Variants in SLC26A11 observed in about 807,000 individuals in gnomAD.
SLC26A11 encodes solute carrier family 26 member 11.
A neutral mutation model predicts 62.2 loss-of-function variants in SLC26A11; 58 were observed. That is an observed-to-expected ratio of 0.93 (90% CI 0.76 to 1.16). SLC26A11 has a LOEUF of 1.16. Among genes scored for constraint, SLC26A11 ranks in the 50% most tolerant of loss-of-function variants. SLC26A11 has a pLI of 0.00. For missense variants in SLC26A11, 790 were observed against 794.3 expected (o/e 0.99, Z 0.06); for synonymous variants, 411 against 368.9 (o/e 1.11, Z -1.31).
chr17:80,224,468 TGTGA>T (rs931229582), intron 5 of SLC26A11, among the ~76,000 whole-genome samples: 5 of 151,894 alleles, frequency 3.3e-5, no homozygotes, highest in African/African-American at 1.2e-4. Flanking sequence ...AGTGTGAGTG[TGTGA>T]GTGTGAGAAT....
chr17:80,223,147 C>A lies in SLC26A11; in HGVS notation c.428-105C>A. 9.4e-7 allele frequency: 1 copy of A among 1,060,460 alleles called. No homozygotes were observed. Among genetic ancestry groups the A allele is most frequent in the Non-Finnish European group, 1.4e-6 (1 of 695,704 alleles). 65.7% of individuals were successfully genotyped at this position (1,060,460 alleles called of 1,614,324 possible). On this transcript the variant is annotated intron_variant, in intron 4 of 17. Transcript: ENST00000361193. The surrounding 1 kb of genome is among the most constrained non-coding windows in gnomAD (Gnocchi z 4.6). ...CCCCAGTCCTTAGCTGCGGTATCTG[C>A]TCCCCAATCCCACCCATTGCCACCT... is the stretch of plus-strand genomic sequence containing the variant.
At position 80,251,409 on chromosome 17, in the gene SLC26A11, C is replaced by T. The variant is rs374972449; in HGVS notation, c.1729+8C>T. On this transcript the variant is annotated splice_region_variant and intron_variant, in intron 17 of 17. Transcript: ENST00000361193. ...CTACCCTGGAAGAAGCAGGTGGGCACAGTCAGACATCCTGTGGCTTTGGTG... is the reference window on the plus strand; with the variant it reads ...CTACCCTGGAAGAAGCAGGTGGGCATAGTCAGACATCCTGTGGCTTTGGTG... The T allele has an allele frequency of 6.2e-6, 10 of 1,613,896 alleles. No homozygotes were observed. The highest frequency in any genetic ancestry group is 8.5e-6 in the Non-Finnish European group (10 of 1,179,882).
chr17:80,243,065 C>G (rs1266260023), intron 10 of SLC26A11, among the ~76,000 whole-genome samples: 1 of 152,200 alleles, frequency 6.6e-6, no homozygotes, highest in East Asian at 1.9e-4. Context: ...GCCTTCCTGC[C>G]TTTCCTTCTC....
At chr17:80,242,425 G>C (rs1274020453) in intron 10 of SLC26A11, among the ~76,000 whole-genome samples, 3 of 152,208 alleles carry the variant, frequency 2.0e-5, no homozygotes, top group African/African-American at 7.2e-5. Flanking sequence ...CCTTGGTCTA[G>C]ATCCAGGAAC....
chr17:80,248,044 G>A, intron 13 of SLC26A11, 86 bp from the exon 14 acceptor site: 2 of 1,445,070 alleles, frequency 1.4e-6, no homozygotes, highest in Non-Finnish European at 1.8e-6. Context: ...ATATGTGGGG[G>A]GCAGAAAGCT....
At chr17:80,233,798 C>CT (rs2144913383) in intron 7 of SLC26A11, among the ~76,000 whole-genome samples, 1 of 86,218 alleles carries the variant, frequency 1.2e-5, no homozygotes, top group East Asian at 5.1e-4. Context: ...AGGCTGGTCT[C>CT]TTACTCCTGG....
intron 9 of SLC26A11, among the ~76,000 whole-genome samples, chr17:80,240,966 G>C (rs1015722517): frequency 5.9e-5 from 9 of 151,810 alleles, no homozygotes; most frequent in Non-Finnish European, 1.3e-4. Context: ...AAATTAGCCG[G>C]GCATGGACCA....
intron 7 of SLC26A11, among the ~76,000 whole-genome samples, chr17:80,233,402 T>C (rs2042609689): frequency 6.6e-6 from 1 of 152,144 alleles, no homozygotes; most frequent in South Asian, 2.1e-4. Context: ...AGTGCTGAGA[T>C]TGCAGATGTG....
At chr17:80,248,319 T>C in intron 14 of SLC26A11, 62 bp downstream of exon 14, 1 of 1,554,774 alleles carries the variant, frequency 6.4e-7, no homozygotes, top group Non-Finnish European at 8.7e-7. Flanking sequence ...GGCATGGTCT[T>C]ATGTTTTGAG....
chr17:80,245,139 TTCCC>T, intron 10 of SLC26A11, 53 bp from the exon 11 acceptor site: 1 of 1,546,188 alleles, frequency 6.5e-7, no homozygotes, highest in Non-Finnish European at 8.9e-7. Flanking sequence ...CCCATCTCCT[TTCCC>T]TCCATCCTGT....
rs2043187310 is a variant in SLC26A11 at position 80,252,836 on chromosome 17, G to A, written c.*120G>A. 1.1e-6 allele frequency: 1 copy of A among 871,506 alleles called. No homozygotes were observed. Among genetic ancestry groups the A allele is most frequent in the Non-Finnish European group, 1.7e-6 (1 of 572,056 alleles). The allele number at this position is 871,506 out of a possible 1,614,324, so 54.0% of individuals were successfully genotyped here. On this transcript the variant is annotated 3_prime_UTR_variant, in exon 18 of 18. Coordinates refer to ENST00000361193, the MANE Select transcript of SLC26A11 (RefSeq NM_001166347.2). This position sits in a 1 kb window ranked among gnomAD's most constrained non-coding sequence, Gnocchi z 5.2. ...GCCTGGCTGAGAAACCCCTGAGCAG[G>A]TAACCCAGGGAAGAGAAGGAAGCCA...
chr17:80,248,217 T>G lies in SLC26A11; in HGVS notation c.1382T>G (p.Leu461Arg). The G allele has an allele frequency of 5.6e-6, 9 of 1,609,854 alleles. No homozygotes were observed. Among genetic ancestry groups the G allele is most frequent in the Non-Finnish European group, 7.6e-6 (9 of 1,179,534 alleles). The change falls in exon 14 of 18, where the codon CTG becomes CGG. Residue 461 changes from leucine (L) to arginine (R), a missense_variant. By Grantham distance (102) the Leu-to-Arg change is moderately radical (BLOSUM62 -2). Coordinates refer to ENST00000361193, the MANE Select transcript of SLC26A11 (RefSeq NM_001166347.2). ...ATCCTGGCCGGGGCCCTGGTGTCTC[T>G]GCTCATGCTCCTGCACTCTGCAGCC... Reference protein sequence around the residue: ...YGILAGALVSLLMLLHSAARP... With the variant: ...YGILAGALVSRLMLLHSAARP...
rs2043177129 is a variant in SLC26A11 at position 80,252,281 on chromosome 17, C to T, written c.1730-344C>T. Among the ~76,000 whole-genome samples the T allele has an allele frequency of 6.6e-6, 1 of 152,196 alleles. No individual in the cohort carries two copies. The highest frequency in any genetic ancestry group is 1.9e-4 in the East Asian group (1 of 5,204). ...AGAGTGAGGGGTGGCGGATGTTGTA[C>T]TGACTTCCTTGGCTCAATGTGACGT... On this transcript the variant is annotated intron_variant, in intron 17 of 17. Transcript: ENST00000361193. This position sits in a 1 kb window ranked among gnomAD's most constrained non-coding sequence, Gnocchi z 5.2.
Position 80,251,370 on chromosome 17 carries a change from G to C in SLC26A11, c.1698G>C (p.Gly566=). 6.2e-7 allele frequency: 1 copy of C among 1,614,100 alleles called. No individual in the cohort carries two copies. The highest frequency in any genetic ancestry group is 8.5e-7 in the Non-Finnish European group (1 of 1,179,996). ...TCCTGCTGTCCGCTGACCTGAAGGG[G>C]TTCCAGTACTTCTCTACCCTGGAAG... is the stretch of plus-strand genomic sequence containing the variant. The part of the protein sequence containing the change: ...LRVLLSADLK[G]FQYFSTLEEA... The change falls in exon 17 of 18, where the codon GGG becomes GGC. Residue 566 remains glycine, a synonymous_variant. Transcript: ENST00000361193.
rs1043210195 is a variant in SLC26A11 at position 80,252,199 on chromosome 17, G to T, written c.1730-426G>T. Among the ~76,000 whole-genome samples, 5 of 152,230 alleles carry T rather than the reference G, an allele frequency of 3.3e-5. No individual in the cohort carries two copies. Among genetic ancestry groups the T allele is most frequent in the Non-Finnish European group, 5.9e-5 (4 of 68,046 alleles). ...AGTGGCCAGAGGGTCCCAGGCCCCA[G>T]TGCTAGGCCTCTTCCTCTTCCACTG... On this transcript the variant is annotated intron_variant, in intron 17 of 17. Coordinates refer to ENST00000361193, the MANE Select transcript of SLC26A11 (RefSeq NM_001166347.2). This position sits in a 1 kb window ranked among gnomAD's most constrained non-coding sequence, Gnocchi z 5.2.
chr17:80,223,168 C>T lies in SLC26A11; in HGVS notation c.428-84C>T, dbSNP rs1394148513. 1 of 1,304,620 alleles carries T rather than the reference C, an allele frequency of 7.7e-7. No homozygotes were observed. The highest frequency in any genetic ancestry group is 1.1e-6 in the Non-Finnish European group (1 of 909,266). 80.8% of individuals were successfully genotyped at this position (1,304,620 alleles called of 1,614,324 possible). A position where few individuals can be genotyped will look rare whatever the true frequency, so the allele number is the denominator to read the frequency against. ...TCTGCTCCCCAATCCCACCCATTGC[C>T]ACCTTCCCCAGCTCACATCTCCCCT... On this transcript the variant is annotated intron_variant, in intron 4 of 17. Transcript: ENST00000361193. This position sits in a 1 kb window ranked among gnomAD's most constrained non-coding sequence, Gnocchi z 4.6.
At position 80,252,674 on chromosome 17, in the gene SLC26A11, A is replaced by G. The variant is rs995453428; in HGVS notation, c.1779A>G (p.Glu593=). The change falls in exon 18 of 18, where the codon GAA becomes GAG. Residue 593 remains glutamate, a synonymous_variant. Transcript: ENST00000361193. This position sits in a 1 kb window ranked among gnomAD's most constrained non-coding sequence, Gnocchi z 5.2. ...EPGTQPYNIR[E]DSILDQKVAL... ...GGACCCAGCCCTACAACATCAGAGA[A>G]GACTCCATTCTGGACCAAAAGGTTG... 1 of 1,613,918 alleles carries G rather than the reference A, an allele frequency of 6.2e-7. No individual in the cohort carries two copies. The highest frequency in any genetic ancestry group is 1.3e-5 in the African/African-American group (1 of 74,938).
chr17:80,249,455 T>C (rs543767122), intron 16 of SLC26A11, among the ~76,000 whole-genome samples, 168 bp downstream of exon 16: 4 of 152,364 alleles, frequency 2.6e-5, no homozygotes, highest in Middle Eastern at 3.4e-3. Flanking sequence ...CTGGCCTTCC[T>C]CGTCCCTCCC....
chr17:80,243,272 G>A (rs572938696), intron 10 of SLC26A11, among the ~76,000 whole-genome samples: 3 of 152,278 alleles, frequency 2.0e-5, no homozygotes, highest in South Asian at 2.1e-4. Flanking sequence ...GTTGAGTGGC[G>A]GAGCTTGGGC....
Sources: gnomAD v4.1 joint callset for allele counts (sites outside exome capture counted in the v4.1 genomes callset) on GRCh38, gnomAD v4.1.1 for gene constraint, Gnocchi (gnomAD v3.1) non-coding constraint, MANE v1.5 for transcripts, NCBI Gene and HGNC (gene_info 2026-07-23, HGNC 2026-07-21) for gene names.